The following MAGI1 variants were observed in gnomAD, a reference collection of about 807,000 sequenced individuals.
MAGI1 encodes the protein membrane-associated guanylate kinase, WW and PDZ domain-containing protein 1.
In MAGI1, 58 loss-of-function variants were observed where a neutral mutation model predicts 139.9. The observed-to-expected ratio is 0.41, with a 90% CI of 0.34 to 0.52. The LOEUF (loss-of-function observed/expected upper bound fraction) is 0.52, where lower values mean the gene tolerates loss of function less well. Among genes scored for constraint, MAGI1 ranks in the 20% least tolerant of loss-of-function variants. The pLI is 0.12. For synonymous variants in MAGI1, 812 were observed against 737.9 expected (o/e 1.10, Z -1.63); for missense variants, 1,874 against 1,901.6 (o/e 0.99, Z 0.27).
intron 2 of MAGI1, among the ~76,000 whole-genome samples, chr3:65,576,877 A>G (rs1229239691): frequency 6.6e-6 from 1 of 152,184 alleles, no homozygotes; most frequent in Non-Finnish European, 1.5e-5. Flanking sequence ...TGTCTTCAGG[A>G]CTAGAGATGA....
intron 1 of MAGI1, among the ~76,000 whole-genome samples, chr3:65,672,412 A>C (rs2086917305): frequency 6.6e-6 from 1 of 152,216 alleles, no homozygotes; most frequent in South Asian, 2.1e-4. Context: ...GCTGACAAAG[A>C]AGCCATTTTT....
At chr3:65,959,746 T>A (rs2064323222) in intron 1 of MAGI1, among the ~76,000 whole-genome samples, 1 of 147,434 alleles carries the variant, frequency 6.8e-6, no homozygotes, top group African/African-American at 2.5e-5. Flanking sequence ...ATTACAGGTG[T>A]AAGGCACCAC....
At chr3:65,968,959 T>A (rs774895488) in intron 1 of MAGI1, among the ~76,000 whole-genome samples, 1 of 152,228 alleles carries the variant, frequency 6.6e-6, no homozygotes, top group Non-Finnish European at 1.5e-5. Flanking sequence ...TCAGAGAGCA[T>A]ATTTGTAGAC....
intron 12 of MAGI1, among the ~76,000 whole-genome samples, chr3:65,420,358 A>G (rs1016248954): frequency 6.6e-6 from 1 of 151,816 alleles, no homozygotes; most frequent in Non-Finnish European, 1.5e-5. Flanking sequence ...TGGTCACTCA[A>G]GTTTCACCTC....
intron 7 of MAGI1, among the ~76,000 whole-genome samples, chr3:65,447,613 T>C (rs991465748): frequency 6.6e-6 from 1 of 152,230 alleles, no homozygotes; most frequent in Admixed American, 6.5e-5. Flanking sequence ...TTTTTGTTTG[T>C]CCTGCTTGGC....
At chr3:65,594,857 A>G (rs2082113247) in intron 2 of MAGI1, among the ~76,000 whole-genome samples, 1 of 152,198 alleles carries the variant, frequency 6.6e-6, no homozygotes, top group Non-Finnish European at 1.5e-5. Context: ...TCAGCTTTAG[A>G]AACCCTTTTA....
chr3:65,436,160 A>G (rs1344356816), intron 10 of MAGI1, among the ~76,000 whole-genome samples: 1 of 152,220 alleles, frequency 6.6e-6, no homozygotes, highest in African/African-American at 2.4e-5. Flanking sequence ...CAGCTAGCAG[A>G]GAAACAATTT....
intron 1 of MAGI1, among the ~76,000 whole-genome samples, chr3:65,812,468 T>TCTCACACACACACACACA (rs1176899313): frequency 1.6e-4 from 14 of 89,166 alleles, no homozygotes; most frequent in African/African-American, 4.2e-4. Flanking sequence ...TCTCTCTCTC[T>TCTCACACACACACACACA]CACACACACA....
intron 1 of MAGI1, among the ~76,000 whole-genome samples, chr3:65,784,293 T>A (rs570777715): frequency 1.3e-5 from 2 of 152,180 alleles, no homozygotes; most frequent in South Asian, 4.1e-4. Context: ...CCACTCTAGG[T>A]ATGCATACAA....
rs1044471292 is a variant in MAGI1, at chr3:65,870,650, G to A, written c.313+167346C>T. ...GACAGGAGAGAGGCAGGGTGGGGGG[G>A]GTAGGAAAGAGGGTAGAGAAGAAGG... On this transcript the variant is annotated intron_variant, in intron 1 of 22. Transcript: ENST00000402939. 6.0e-5 allele frequency among the ~76,000 whole-genome samples: 9 copies of A among 149,764 alleles called. No homozygotes were observed. The South Asian group carries it at 6.4e-4, about 11-fold the overall frequency.
chr3:65,574,044 C>T (rs1290444680), intron 2 of MAGI1, among the ~76,000 whole-genome samples: 1 of 151,858 alleles, frequency 6.6e-6, no homozygotes, highest in East Asian at 1.9e-4. Flanking sequence ...TGTAGAAAAT[C>T]TGATAAAATC....
chr3:65,490,019 T>G (rs1200703781), intron 3 of MAGI1, among the ~76,000 whole-genome samples: 1 of 152,138 alleles, frequency 6.6e-6, no homozygotes, highest in Non-Finnish European at 1.5e-5. Context: ...AAAAAGATGG[T>G]GAGTACCTGG....
In MAGI1 at chr3:65,963,313, TA is replaced by T. The variant is rs760893715; in HGVS notation, c.313+74682del. Reference sequence around the variant, plus strand: ...GTCAACAGAGCGAGACTCTGTCTCTTAAAAAAAAAAAAAAAGTAGCTCGGCC... The same window carrying T: ...GTCAACAGAGCGAGACTCTGTCTCTTAAAAAAAAAAAAAAGTAGCTCGGCC... On this transcript the variant is annotated intron_variant, in intron 1 of 22. Transcript: ENST00000402939. Among the ~76,000 whole-genome samples, 233 of 104,106 alleles carry T rather than the reference TA, an allele frequency of 2.2e-3. 2 individuals carry two copies. The highest frequency in any genetic ancestry group is 0.012 in the Middle Eastern group (2 of 164). The allele number at this position is 104,106 out of a possible 152,430, so 68.3% of individuals were successfully genotyped here.
chr3:65,710,968 T>C (rs962006551), intron 1 of MAGI1, among the ~76,000 whole-genome samples: 1 of 152,214 alleles, frequency 6.6e-6, no homozygotes, highest in Non-Finnish European at 1.5e-5. Flanking sequence ...CTTCAACTGT[T>C]TGCCTTTTCT....
At chr3:65,932,798 C>T (rs1315212425) in intron 1 of MAGI1, among the ~76,000 whole-genome samples, 1 of 151,122 alleles carries the variant, frequency 6.6e-6, no homozygotes, top group Non-Finnish European at 1.5e-5. Flanking sequence ...CTCCATCCTT[C>T]CCCTTGGGTT....
intron 1 of MAGI1, among the ~76,000 whole-genome samples, chr3:65,976,295 G>A (rs922967848): frequency 5.9e-5 from 9 of 152,158 alleles, no homozygotes; most frequent in African/African-American, 2.2e-4. Flanking sequence ...GGAGTGGGAT[G>A]AGGGATGCTA....
Position 65,745,209 on chromosome 3 carries a change from T to C in MAGI1, c.314-123121A>G, listed in dbSNP as rs544674601. On this transcript the variant is annotated intron_variant, in intron 1 of 22. Transcript: ENST00000402939. ...GAACCAGAATGCTTTGTGTCTCAAA[T>C]AAGGTGTAAGCTACAGAGAAACAGA... Among the ~76,000 whole-genome samples, 17 of 152,168 alleles carry C rather than the reference T, an allele frequency of 1.1e-4. No homozygotes were observed. The South Asian group carries it at 3.5e-3, about 32-fold the overall frequency.
chr3:65,383,545 T>C lies in MAGI1; in HGVS notation c.2495A>G (p.Glu832Gly). 6.2e-7 allele frequency: 1 copy of C among 1,613,102 alleles called. No homozygotes were observed. Among genetic ancestry groups the C allele is most frequent in the African/African-American group, 1.3e-5 (1 of 75,046 alleles). The change falls in exon 15 of 23, where the codon GAA becomes GGA. Residue 832 changes from glutamate (E) to glycine (G), a missense_variant. Around this residue, in one of 5 missense-constraint regions of MAGI1, gnomAD observed 482 missense variants for 509.6 expected, o/e 0.95. Transcript: ENST00000402939. ...GFGFRILGGNEPGEPIYIGHI... is the reference protein window; with the variant it reads ...GFGFRILGGNGPGEPIYIGHI... The stretch of plus-strand genomic sequence containing the variant: ...CAAAAGACTCACAGGTTCCCCTGGT[T>C]CATTTCCACCCAGAATCCTAAATCC...
rs748549764 is a variant in MAGI1 at position 65,437,554 on chromosome 3, T to C, written c.1271-307A>G. Among the ~76,000 whole-genome samples, 71 of 152,210 alleles carry C rather than the reference T, an allele frequency of 4.7e-4. 1 individual carries two copies. Among genetic ancestry groups the C allele is most frequent in the Admixed American group, 2.0e-3 (31 of 15,272 alleles). On this transcript the variant is annotated intron_variant, in intron 9 of 22. Coordinates refer to ENST00000402939, the MANE Select transcript of MAGI1 (RefSeq NM_001033057.2). Reference sequence around the variant, plus strand: ...ACATACAGTCAACTAATGGCAGCTGTATAAGGGAGAAATTTCTCTAATCTG... The same window carrying C: ...ACATACAGTCAACTAATGGCAGCTGCATAAGGGAGAAATTTCTCTAATCTG...
Sources: allele counts gnomAD v4.1 joint callset (sites outside exome capture counted in the v4.1 genomes callset), GRCh38; gene constraint gnomAD v4.1.1; regional missense constraint gnomAD v4.1.1; transcripts MANE v1.5; gene names NCBI Gene and HGNC (gene_info 2026-07-23, HGNC 2026-07-21).